The following EYA4 variants were observed in gnomAD, a reference collection of about 807,000 sequenced individuals.
EYA4 encodes the protein protein phosphatase EYA4.
EYA4 carries 31 observed loss-of-function variants against 87.9 expected under a neutral mutation model. That is an observed-to-expected ratio of 0.35 (90% CI 0.27 to 0.48). EYA4 has a LOEUF of 0.48. Among genes scored for constraint, EYA4 ranks in the 20% least tolerant of loss-of-function variants. The probability of loss-of-function intolerance (pLI) is 0.99; values close to 1 mark genes in which losing one functional copy is unlikely to be tolerated. For missense variants in EYA4, 678 were observed against 761.4 expected (o/e 0.89, Z 1.29); for synonymous variants, 263 against 270.6 (o/e 0.97, Z 0.28).
At chr6:133,399,659 G>A (rs925134985) in intron 3 of EYA4, among the ~76,000 whole-genome samples, 2 of 152,172 alleles carry the variant, frequency 1.3e-5, no homozygotes, top group African/African-American at 2.4e-5. Flanking sequence ...GATATGAAAC[G>A]AAAGTTCCCA....
At chr6:133,370,838 T>C (rs557550149) in intron 2 of EYA4, among the ~76,000 whole-genome samples, 10 of 152,184 alleles carry the variant, frequency 6.6e-5, no homozygotes, top group Admixed American at 6.5e-5. Flanking sequence ...AGTGTTTCCC[T>C]CCATTTATGG....
chr6:133,508,220 C>T (rs1798819521), intron 14 of EYA4, among the ~76,000 whole-genome samples: 1 of 151,806 alleles, frequency 6.6e-6, no homozygotes, highest in Non-Finnish European at 1.5e-5. Flanking sequence ...TCTTTTTTTT[C>T]TACAGTGGAC....
At position 133,349,291 on chromosome 6, in the gene EYA4, T is replaced by C. The variant is rs142048499; in HGVS notation, c.34-33101T>C. ...TTACTTTGCCCAATAGTAATGAACATTCTCTAGGTAGCATAATAAATTTTA... is the reference window on the plus strand; with the variant it reads ...TTACTTTGCCCAATAGTAATGAACACTCTCTAGGTAGCATAATAAATTTTA... On this transcript the variant is annotated intron_variant, in intron 2 of 19. Transcript: ENST00000355286. Among the ~76,000 whole-genome samples the C allele has an allele frequency of 2.7e-3, 410 of 152,342 alleles. 1 individual carries two copies. The highest frequency in any genetic ancestry group is 9.5e-3 in the African/African-American group (394 of 41,582).
intron 2 of EYA4, among the ~76,000 whole-genome samples, chr6:133,295,155 A>G (rs1778854771): frequency 6.6e-6 from 1 of 152,212 alleles, no homozygotes; most frequent in African/African-American, 2.4e-5. Context: ...AAGTTATACA[A>G]AATTAATGTT....
chr6:133,245,448 G>C (rs1292588604), intron 1 of EYA4, among the ~76,000 whole-genome samples: 1 of 152,026 alleles, frequency 6.6e-6, no homozygotes, highest in Non-Finnish European at 1.5e-5. Context: ...CTCTTATAAC[G>C]TGCCTCCCTG....
chr6:133,314,435 T>C (rs1780471450), intron 2 of EYA4, among the ~76,000 whole-genome samples: 1 of 152,176 alleles, frequency 6.6e-6, no homozygotes, highest in African/African-American at 2.4e-5. Flanking sequence ...ATATTTTTGT[T>C]TTTAGATTAG....
intron 2 of EYA4, among the ~76,000 whole-genome samples, chr6:133,294,348 TTTTTTGTTTTG>T: frequency 6.6e-6 from 1 of 150,932 alleles, no homozygotes; most frequent in South Asian, 2.1e-4. Flanking sequence ...TTTCTGTTTT[TTTTTTGTTTTG>T]TTTTTGTTTT....
chr6:133,411,737 T>C (rs1178595963), intron 3 of EYA4, among the ~76,000 whole-genome samples: 1 of 152,232 alleles, frequency 6.6e-6, no homozygotes, highest in Non-Finnish European at 1.5e-5. Context: ...ATCATTTTCT[T>C]ATTTGGGGAT....
chr6:133,311,948 G>A (rs1313603931), intron 2 of EYA4, among the ~76,000 whole-genome samples: 4 of 152,186 alleles, frequency 2.6e-5, no homozygotes, highest in South Asian at 2.1e-4. Context: ...TATTATCCAC[G>A]TAATTGCAGA....
At chr6:133,458,059 T>C (rs1269123008) in intron 6 of EYA4, among the ~76,000 whole-genome samples, 1 of 152,072 alleles carries the variant, frequency 6.6e-6, no homozygotes, top group African/African-American at 2.4e-5. Flanking sequence ...AGTCCCTGGG[T>C]CCTTTCTGTA....
At chr6:133,418,127 G>A (rs533183511) in intron 3 of EYA4, among the ~76,000 whole-genome samples, 1 of 152,234 alleles carries the variant, frequency 6.6e-6, no homozygotes, top group South Asian at 2.1e-4. Context: ...TTTTGCCTGG[G>A]GTCTTTCTCG....
intron 14 of EYA4, chr6:133,507,199 G>A (rs1798714776): frequency 6.6e-6 from 1 of 152,074 alleles, no homozygotes; most frequent in Non-Finnish European, 1.5e-5. Flanking sequence ...TTATGCAAGG[G>A]AGAAACTGTA....
intron 1 of EYA4, among the ~76,000 whole-genome samples, chr6:133,269,507 C>G (rs1235871365): frequency 3.0e-3 from 1 of 330 alleles, no homozygotes; most frequent in Non-Finnish European, 7.0e-3. Context: ...TACCTTTGAT[C>G]TGTGTCTCTG....
intron 1 of EYA4, 25 bp from the exon 2 acceptor site, chr6:133,274,691 C>G: frequency 9.2e-7 from 1 of 1,087,316 alleles, no homozygotes; most frequent in Non-Finnish European, 1.4e-6. Context: ...CATTTTTCCC[C>G]TTTGTTTCCA....
intron 2 of EYA4, among the ~76,000 whole-genome samples, chr6:133,358,300 T>G (rs1784217696): frequency 1.3e-5 from 2 of 152,224 alleles, no homozygotes; most frequent in South Asian, 4.1e-4. Flanking sequence ...CTGTTGAGTA[T>G]CATTGTTGTG....
chr6:133,505,421 T>A (rs561442466), intron 13 of EYA4, among the ~76,000 whole-genome samples: 1 of 152,192 alleles, frequency 6.6e-6, no homozygotes, highest in Non-Finnish European at 1.5e-5. Flanking sequence ...AAGCATATAT[T>A]TTTTACCTGG....
intron 2 of EYA4, among the ~76,000 whole-genome samples, chr6:133,284,724 G>C (rs2128286914): frequency 6.6e-6 from 1 of 152,286 alleles, no homozygotes; most frequent in Middle Eastern, 3.4e-3. Flanking sequence ...TGGATAGCTA[G>C]TACTAATTCA....
intron 1 of EYA4, among the ~76,000 whole-genome samples, chr6:133,242,877 G>C (rs927336610): frequency 3.9e-5 from 6 of 152,186 alleles, no homozygotes; most frequent in African/African-American, 1.4e-4. Context: ...TGGGGTGAGA[G>C]TGTGTGCGGG....
chr6:133,327,467 G>C (rs1781589947), intron 2 of EYA4, among the ~76,000 whole-genome samples: 1 of 152,066 alleles, frequency 6.6e-6, no homozygotes, highest in Non-Finnish European at 1.5e-5. Context: ...TATCATCAGT[G>C]CTCAAAGATA....
Sources: allele counts gnomAD v4.1 joint callset (sites outside exome capture counted in the v4.1 genomes callset), GRCh38; gene constraint gnomAD v4.1.1; transcripts MANE v1.5; gene names NCBI Gene and HGNC (gene_info 2026-07-23, HGNC 2026-07-21).